The following GCLM variants were observed in gnomAD, a reference collection of about 807,000 sequenced individuals.
GCLM encodes glutamate-cysteine ligase modifier subunit, also known as glutamate--cysteine ligase regulatory subunit.
GCLM carries 15 observed loss-of-function variants against 36.0 expected under a neutral mutation model. That is an observed-to-expected ratio of 0.42 (90% confidence interval 0.28 to 0.64). GCLM has a LOEUF of 0.64. Among genes scored for constraint, GCLM ranks in the 30% least tolerant of loss-of-function variants. The probability of loss-of-function intolerance (pLI) is 0.25; values close to 1 mark genes in which losing one functional copy is unlikely to be tolerated. For synonymous variants in GCLM, 129 were observed against 122.8 expected, an observed-to-expected ratio of 1.05 and a Z score of -0.34; for missense variants, 242 against 325.5, an observed-to-expected ratio of 0.74 and a Z score of 1.97.
At chr1:93,899,157 A>G (rs531756148) in intron 3 of GCLM, among the ~76,000 whole-genome samples, 1 of 151,208 alleles carries the variant, frequency 6.6e-6, no homozygotes, top group Admixed American at 6.6e-5. Flanking sequence ...GTTCATTGCA[A>G]CCTCCTCCTG....
intron 1 of GCLM, 79 bp from the exon 2 acceptor site, chr1:93,904,667 T>C (rs1366215997): frequency 2.3e-6 from 2 of 887,078 alleles, no homozygotes; most frequent in African/African-American, 1.7e-5. Flanking sequence ...AATATATTAA[T>C]TTGATAAGCA....
intron 1 of GCLM, among the ~76,000 whole-genome samples, chr1:93,905,636 T>A (rs17882036): frequency 6.6e-6 from 1 of 152,206 alleles, no homozygotes; most frequent in Non-Finnish European, 1.5e-5. Flanking sequence ...TATTATAGTA[T>A]GTTGTAAATT....
chr1:93,891,301 T>C (rs1656526429), intron 6 of GCLM, among the ~76,000 whole-genome samples: 1 of 152,168 alleles, frequency 6.6e-6, no homozygotes, highest in East Asian at 1.9e-4. Context: ...TGCTGTATCC[T>C]GAAAACCTCA....
At chr1:93,890,633 CA>C (rs896141901) in intron 6 of GCLM, among the ~76,000 whole-genome samples, 22 of 149,622 alleles carry the variant, frequency 1.5e-4, no homozygotes, top group African/African-American at 4.9e-4. Context: ...CTATGTCTTA[CA>C]AAAAAAAAGT....
chr1:93,904,587 A>G lies in GCLM; in HGVS notation c.128T>C (p.Leu43Pro). Residue 43 changes from leucine (L) to proline (P), a missense_variant and splice_region_variant, in exon 2 of 7, where the codon CTT becomes CCT. Physicochemically the swap from Leu to Pro is moderately conservative, Grantham distance 98. Coordinates refer to ENST00000370238, the MANE Select transcript of GCLM (RefSeq NM_002061.4). ...CAAGGTTTTTTGGATACAATCATGA[A>G]GCTGCAAAAGGAATGCATTTTGAAA... ...KKCPSTHSEE[L>P]HDCIQKTLNE... 6.2e-7 allele frequency: 1 copy of G among 1,602,492 alleles called. No homozygotes were observed. The highest frequency in any genetic ancestry group is 8.6e-7 in the Non-Finnish European group (1 of 1,169,474).
intron 6 of GCLM, among the ~76,000 whole-genome samples, chr1:93,893,869 TTAA>T (rs1656623666): frequency 2.6e-5 from 4 of 152,234 alleles, no homozygotes; most frequent in Non-Finnish European, 5.9e-5. Flanking sequence ...ACTAAACGTC[TTAA>T]TAAAATACCT....
chr1:93,907,816 G>C (rs755304682), intron 1 of GCLM, among the ~76,000 whole-genome samples: 1 of 152,190 alleles, frequency 6.6e-6, no homozygotes, highest in Non-Finnish European at 1.5e-5. Flanking sequence ...CTCATCTCTT[G>C]ATGGGCACTG....
intron 2 of GCLM, 112 bp downstream of exon 2, chr1:93,904,411 G>A (rs1657070376): frequency 2.7e-6 from 2 of 731,210 alleles, no homozygotes. Flanking sequence ...ACCACAGAGA[G>A]TTTATGGCTA....
chr1:93,898,303 G>GAAAAAAAAAAAAAAAAAAAAAAAA lies in GCLM; in HGVS notation c.278-429_278-406dup, dbSNP rs58007552. 1.7e-3 allele frequency among the ~76,000 whole-genome samples: 28 copies of GAAAAAAAAAAAAAAAAAAAAAAAA among 16,434 alleles called. 8 individuals carry two copies. The highest frequency in any genetic ancestry group is 4.4e-3 in the East Asian group (2 of 458). 10.8% of individuals were successfully genotyped at this position (16,434 alleles called of 152,430 possible). ...TTGAAAATGTAATGAGAAGAAAACT[G>GAAAAAAAAAAAAAAAAAAAAAAAA]AAAAAAAAAAAAAAAAAAAAAAAAA... On this transcript the variant is annotated intron_variant, in intron 3 of 6. Transcript: ENST00000370238.
In GCLM at chr1:93,894,005, C is replaced by T. The variant is rs530936220; in HGVS notation, c.655+609G>A. ...AGGCACAGTGGCTCATGCCTAAAAT[C>T]CCAGCACCTTGGGAGGCCGAGGTGG... On this transcript the variant is annotated intron_variant, in intron 6 of 6. Transcript: ENST00000370238. Among the ~76,000 whole-genome samples, 3 of 152,234 alleles carry T rather than the reference C, an allele frequency of 2.0e-5. No individual in the cohort carries two copies. The East Asian group carries it at 5.8e-4, about 29-fold the overall frequency.
chr1:93,889,642 T>A (rs1656461376), intron 6 of GCLM, among the ~76,000 whole-genome samples: 2 of 151,958 alleles, frequency 1.3e-5, no homozygotes, highest in Admixed American at 1.3e-4. Flanking sequence ...CTTATATCTG[T>A]ATGTGTGTGT....
rs1338205390 is a variant in GCLM at position 93,888,460 on chromosome 1, T to G, written c.*530A>C. 1.3e-5 allele frequency: 2 copies of G among 152,214 alleles called. No homozygotes were observed. The highest frequency in any genetic ancestry group is 6.5e-5 in the Admixed American group (1 of 15,282). 9.4% of individuals were successfully genotyped at this position (152,214 alleles called of 1,614,324 possible). Reference sequence around the variant, plus strand: ...AAAAATTTAAGTTTCCATTCATGTATTGAAGAGTGAATTTTATTTACACTA... The same window carrying G: ...AAAAATTTAAGTTTCCATTCATGTAGTGAAGAGTGAATTTTATTTACACTA... On this transcript the variant is annotated 3_prime_UTR_variant, in exon 7 of 7. Coordinates refer to ENST00000370238, the MANE Select transcript of GCLM (RefSeq NM_002061.4).
At chr1:93,899,972 G>A (rs1656887039) in intron 3 of GCLM, among the ~76,000 whole-genome samples, 3 of 149,598 alleles carry the variant, frequency 2.0e-5, no homozygotes, top group Admixed American at 1.3e-4. Context: ...AGGAAATGGA[G>A]AAAAATAAGG....
intron 6 of GCLM, among the ~76,000 whole-genome samples, chr1:93,891,658 G>A (rs368029114): frequency 7.9e-5 from 12 of 152,196 alleles, no homozygotes; most frequent in African/African-American, 2.2e-4. Context: ...GTGCTCAAAC[G>A]TCTATTAAAT....
chr1:93,901,549 T>G, intron 3 of GCLM, 36 bp downstream of exon 3: 1 of 1,063,752 alleles, frequency 9.4e-7, no homozygotes, highest in Non-Finnish European at 1.5e-6. Context: ...TCGCTTCCGC[T>G]ATGTAACAAA....
rs1220675162 is a variant in GCLM, at chr1:93,887,819, C to G, written c.*1171G>C. 2 of 152,080 alleles carry G rather than the reference C, an allele frequency of 1.3e-5. No homozygotes were observed. Among genetic ancestry groups the G allele is most frequent in the Non-Finnish European group, 2.9e-5 (2 of 68,006 alleles). 9.4% of individuals were successfully genotyped at this position (152,080 alleles called of 1,614,324 possible). ...TTTCAAACTATTCAGGTTACAGACACAAATTTATAGAATTAAGGAGATTTA... is the reference window on the plus strand; with the variant it reads ...TTTCAAACTATTCAGGTTACAGACAGAAATTTATAGAATTAAGGAGATTTA... On this transcript the variant is annotated 3_prime_UTR_variant, in exon 7 of 7. Transcript: ENST00000370238.
rs1225316442 is a variant in GCLM at position 93,888,467 on chromosome 1, G to T, written c.*523C>A. On this transcript the variant is annotated 3_prime_UTR_variant, in exon 7 of 7. Coordinates refer to ENST00000370238, the MANE Select transcript of GCLM (RefSeq NM_002061.4). ...TAAGTTTCCATTCATGTATTGAAGA[G>T]TGAATTTTATTTACACTACTAGTAA... 6.6e-6 allele frequency: 1 copy of T among 152,174 alleles called. No homozygotes were observed. Among genetic ancestry groups the T allele is most frequent in the Non-Finnish European group, 1.5e-5 (1 of 68,010 alleles). The allele number at this position is 152,174 out of a possible 1,614,324, so 9.4% of individuals were successfully genotyped here.
intron 4 of GCLM, among the ~76,000 whole-genome samples, chr1:93,897,191 CACT>C (rs1222528672): frequency 6.6e-6 from 1 of 152,176 alleles, no homozygotes; most frequent in African/African-American, 2.4e-5. Context: ...TCTACTTGCT[CACT>C]ACTATCGCAT....
At chr1:93,908,960 G>T (rs1657252993) in intron 1 of GCLM, 78 bp downstream of exon 1, 1 of 1,187,510 alleles carries the variant, frequency 8.4e-7, no homozygotes, top group Non-Finnish European at 1.1e-6. Flanking sequence ...GCCCGCGGGC[G>T]CTTCTCCCTT....
Sources: allele counts gnomAD v4.1 joint callset (sites outside exome capture counted in the v4.1 genomes callset), GRCh38; gene constraint gnomAD v4.1.1; transcripts MANE v1.5; gene names NCBI Gene and HGNC (gene_info 2026-07-23, HGNC 2026-07-21).